Variants in MGAT4C observed in about 807,000 individuals in gnomAD.
MGAT4C encodes the protein alpha-1,3-mannosyl-glycoprotein 4-beta-N-acetylglucosaminyltransferase C.
A neutral mutation model predicts 40.1 loss-of-function variants in MGAT4C; 19 were observed. The ratio of observed to expected loss-of-function variants is 0.47; its 90% CI spans 0.33 to 0.70. The LOEUF is 0.70. Among genes scored for constraint, MGAT4C ranks in the 30% least tolerant of loss-of-function variants. MGAT4C has a pLI of 0.02. For missense variants in MGAT4C, 491 were observed against 563.2 expected (o/e 0.87, Z 1.30); for synonymous variants, 181 against 187.1 (o/e 0.97, Z 0.27).
At chr12:86,277,396 G>A (rs552613699) in intron 4 of MGAT4C, among the ~76,000 whole-genome samples, 1 of 152,210 alleles carries the variant, frequency 6.6e-6, no homozygotes, top group Admixed American at 6.5e-5. Flanking sequence ...TGTTTAACTT[G>A]ACGTGATCCC....
At chr12:86,792,656 G>A (rs554820104) in intron 1 of MGAT4C, among the ~76,000 whole-genome samples, 1 of 152,266 alleles carries the variant, frequency 6.6e-6, no homozygotes, top group Admixed American at 6.5e-5. Flanking sequence ...TTGTGGCCGG[G>A]CGCAGTGGCT....
chr12:86,655,550 G>A (rs1963825601), intron 2 of MGAT4C, among the ~76,000 whole-genome samples: 1 of 151,926 alleles, frequency 6.6e-6, no homozygotes, highest in African/African-American at 2.4e-5. Flanking sequence ...CAACTTGAAT[G>A]CCATATTCAA....
intron 1 of MGAT4C, among the ~76,000 whole-genome samples, chr12:86,215,126 C>T (rs1295943563): frequency 1.6e-5 from 1 of 61,686 alleles, no homozygotes; most frequent in Non-Finnish European, 4.4e-5. Flanking sequence ...GACCCTCTTA[C>T]AATGCTTCTG....
At chr12:86,621,964 A>T (rs1222474913) in intron 2 of MGAT4C, among the ~76,000 whole-genome samples, 1 of 152,192 alleles carries the variant, frequency 6.6e-6, no homozygotes, top group Admixed American at 6.5e-5. Context: ...GTGATTATAA[A>T]GGTAAACAAC....
chr12:86,175,282 G>C (rs569052770), intron 1 of MGAT4C, among the ~76,000 whole-genome samples: 1 of 152,004 alleles, frequency 6.6e-6, no homozygotes, highest in African/African-American at 2.4e-5. Context: ...AATATGACTG[G>C]TCTACTTAGT....
At chr12:86,749,272 A>G (rs1951198764) in intron 1 of MGAT4C, among the ~76,000 whole-genome samples, 1 of 151,742 alleles carries the variant, frequency 6.6e-6, no homozygotes, top group Admixed American at 6.6e-5. Context: ...ATAGAAATAA[A>G]TTAAGACAAT....
intron 2 of MGAT4C, among the ~76,000 whole-genome samples, chr12:86,678,420 C>CT (rs200793863): frequency 9.9e-4 from 147 of 148,922 alleles, no homozygotes; most frequent in Middle Eastern, 3.5e-3. Context: ...TCTGTTTCCT[C>CT]TTTTTTTTTT....
intron 3 of MGAT4C, among the ~76,000 whole-genome samples, chr12:86,403,404 C>T (rs536328256): frequency 1.2e-4 from 19 of 152,286 alleles, no homozygotes; most frequent in Admixed American, 1.2e-3. Flanking sequence ...CTTCTGTTTC[C>T]TTATAGAAAG....
intron 2 of MGAT4C, among the ~76,000 whole-genome samples, chr12:86,669,695 C>A (rs1270066242): frequency 1.3e-5 from 2 of 152,230 alleles, no homozygotes; most frequent in Non-Finnish European, 2.9e-5. Context: ...TGCCCCAGCA[C>A]CTGCTTCTTG....
intron 1 of MGAT4C, among the ~76,000 whole-genome samples, chr12:86,222,896 G>C (rs993833279): frequency 6.6e-6 from 1 of 152,144 alleles, no homozygotes; most frequent in African/African-American, 2.4e-5. Context: ...GTGAGGTAAT[G>C]GCAAAAGAAA....
At chr12:86,439,547 C>T (rs1046197836) in intron 2 of MGAT4C, among the ~76,000 whole-genome samples, 2 of 151,842 alleles carry the variant, frequency 1.3e-5, no homozygotes, top group Non-Finnish European at 2.9e-5. Context: ...AATAGACAAC[C>T]TAACATCACA....
chr12:86,737,149 A>C (rs186879452), intron 1 of MGAT4C, among the ~76,000 whole-genome samples: 1 of 151,434 alleles, frequency 6.6e-6, no homozygotes, highest in Admixed American at 6.6e-5. Context: ...TGATTCCTTA[A>C]ATATTTTTCT....
intron 2 of MGAT4C, among the ~76,000 whole-genome samples, chr12:86,695,566 G>A (rs768325846): frequency 1.3e-5 from 2 of 152,138 alleles, no homozygotes; most frequent in African/African-American, 4.8e-5. Flanking sequence ...GTGCATGTAC[G>A]CAATGGAGTA....
intron 3 of MGAT4C, among the ~76,000 whole-genome samples, chr12:86,393,170 T>C (rs1464378684): frequency 5.3e-5 from 8 of 152,194 alleles, no homozygotes; most frequent in Admixed American, 1.3e-4. Flanking sequence ...GTTTTCTAAA[T>C]GTATTTGATA....
intron 1 of MGAT4C, among the ~76,000 whole-genome samples, chr12:86,184,597 C>T (rs1363189638): frequency 1.3e-5 from 2 of 149,996 alleles, no homozygotes; most frequent in Admixed American, 6.7e-5. Context: ...ATATACATTA[C>T]TTAGTTTGTT....
intron 1 of MGAT4C, among the ~76,000 whole-genome samples, chr12:86,780,973 C>T (rs1013927195): frequency 2.0e-5 from 3 of 151,704 alleles, no homozygotes; most frequent in African/African-American, 4.8e-5. Context: ...TTCATGTTGC[C>T]GCAAAAGACA....
intron 1 of MGAT4C, among the ~76,000 whole-genome samples, chr12:86,121,675 C>A (rs1592997782): frequency 6.6e-6 from 1 of 152,178 alleles, no homozygotes; most frequent in Non-Finnish European, 1.5e-5. Flanking sequence ...GAAATAAAAT[C>A]CTTTACAGAC....
intron 2 of MGAT4C, among the ~76,000 whole-genome samples, chr12:86,018,761 G>GAA (rs1889351745): frequency 6.6e-6 from 1 of 151,714 alleles, no homozygotes; most frequent in Non-Finnish European, 1.5e-5. Context: ...ACATATATAA[G>GAA]GAGAGAGAGA....
rs569675227 is a variant in MGAT4C at position 86,136,344 on chromosome 12, T to C, written c.-56-86621A>G. ...CAAGATAAATATACCCATGAATATA[T>C]AATAAAATGCCAGCTAGTTGCATGT... On this transcript the variant is annotated intron_variant, in intron 1 of 4. Transcript: ENST00000611864. Among the ~76,000 whole-genome samples the C allele has an allele frequency of 5.3e-5, 8 of 152,202 alleles. 1 individual carries two copies. In the East Asian group the frequency reaches 1.4e-3, roughly 26 times the overall value.
Sources: allele counts gnomAD v4.1 joint callset (sites outside exome capture counted in the v4.1 genomes callset), GRCh38; gene constraint gnomAD v4.1.1; transcripts MANE v1.5; gene names NCBI Gene and HGNC (gene_info 2026-07-23, HGNC 2026-07-21).